LEPROTL1: variants seen among roughly 807,000 people sequenced by gnomAD.
LEPROTL1 encodes leptin receptor overlapping transcript like 1.
A neutral mutation model predicts 15.4 loss-of-function variants in LEPROTL1; 6 were observed. That is an observed-to-expected ratio of 0.39 (90% confidence interval 0.21 to 0.77). The LOEUF is 0.77. LEPROTL1 is among the 30% of genes least tolerant of loss of function. LEPROTL1 has a pLI of 0.41. For synonymous variants in LEPROTL1, 56 were observed against 52.6 expected, an observed-to-expected ratio of 1.06 and a Z score of -0.28; for missense variants, 128 against 158.1, an observed-to-expected ratio of 0.81 and a Z score of 1.02.
chr8:30,116,844 T>C (rs1457840596), intron 3 of LEPROTL1, among the ~76,000 whole-genome samples: 1 of 152,214 alleles, frequency 6.6e-6, no homozygotes, highest in African/African-American at 2.4e-5. Flanking sequence ...TCTAGGGACC[T>C]ACTACTTGTG....
At chr8:30,103,527 G>T (rs1347218797) in intron 2 of LEPROTL1, among the ~76,000 whole-genome samples, 1 of 152,018 alleles carries the variant, frequency 6.6e-6, no homozygotes, top group Non-Finnish European at 1.5e-5. Context: ...GATCACCTGA[G>T]GTCAGGAGTT....
chr8:30,114,116 A>G (rs935690564), intron 3 of LEPROTL1, among the ~76,000 whole-genome samples: 4 of 152,140 alleles, frequency 2.6e-5, no homozygotes, highest in African/African-American at 9.7e-5. Context: ...ATTTGATTCA[A>G]AGACACATAG....
At chr8:30,118,726 G>A (rs542013551) in intron 3 of LEPROTL1, among the ~76,000 whole-genome samples, 2 of 152,312 alleles carry the variant, frequency 1.3e-5, no homozygotes, top group African/African-American at 4.8e-5. Context: ...CACTATCTCG[G>A]CAAGAGGAAT....
At chr8:30,114,752 A>G (rs982325363) in intron 3 of LEPROTL1, among the ~76,000 whole-genome samples, 1 of 152,222 alleles carries the variant, frequency 6.6e-6, no homozygotes, top group Non-Finnish European at 1.5e-5. Context: ...TTTCTCACTC[A>G]ATGTATCACA....
intron 1 of LEPROTL1, among the ~76,000 whole-genome samples, chr8:30,100,468 G>T (rs1802447493): frequency 6.6e-6 from 1 of 151,534 alleles, no homozygotes; most frequent in Non-Finnish European, 1.5e-5. Flanking sequence ...TATTTTTTTT[G>T]AGATGGAGTC....
exon 5 of LEPROTL1, chr8:30,137,536 T>C: frequency 7.0e-7 from 1 of 1,423,514 alleles, no homozygotes; most frequent in Non-Finnish European, 9.7e-7. Flanking sequence ...CTGCACCATG[T>C]AGGCAACACG....
chr8:30,132,494 G>A, intron 4 of LEPROTL1: 2 of 1,551,748 alleles, frequency 1.3e-6, no homozygotes, highest in Non-Finnish European at 1.7e-6. Flanking sequence ...TAGTAGGTGA[G>A]CTTGAAAAGC....
At position 30,107,688 on chromosome 8, in the gene LEPROTL1, G is replaced by A. The variant is rs1029495336; in HGVS notation, c.*1826G>A. The A allele has an allele frequency of 9.1e-6, 9 of 985,522 alleles. No homozygotes were observed. The African/African-American group carries it at 1.2e-4, about 13-fold the overall frequency. The allele number at this position is 985,522 out of a possible 1,614,324, so 61.0% of individuals were successfully genotyped here. A position where few individuals can be genotyped will look rare whatever the true frequency, so the allele number is the denominator to read the frequency against. ...GTTCAGATTTCAAGAGGAAGGTGCAGGTACACATGAGTTAGAGAGCTGGTG... is the reference window on the plus strand; with the variant it reads ...GTTCAGATTTCAAGAGGAAGGTGCAAGTACACATGAGTTAGAGAGCTGGTG... On this transcript the variant is annotated 3_prime_UTR_variant, in exon 4 of 4. Transcript: ENST00000321250.
rs1404642148 is a variant in LEPROTL1 at position 30,132,607 on chromosome 8, A to G, written c.394+118A>G. On this transcript the variant is annotated intron_variant, in intron 4 of 4. Coordinates refer to the LEPROTL1 transcript ENST00000442880. ...GCTCACTGCCACGTTTAGGCATTCTAGTCCAAGAATCTGCAGACCCCTCCA... is the reference window on the plus strand; with the variant it reads ...GCTCACTGCCACGTTTAGGCATTCTGGTCCAAGAATCTGCAGACCCCTCCA... 3 of 1,551,788 alleles carry G rather than the reference A, an allele frequency of 1.9e-6. No individual in the cohort carries two copies. The East Asian group carries it at 7.3e-5, about 38-fold the overall frequency.
intron 4 of LEPROTL1, among the ~76,000 whole-genome samples, chr8:30,136,285 AACAG>A (rs1240136850): frequency 6.6e-6 from 1 of 152,188 alleles, no homozygotes; most frequent in Non-Finnish European, 1.5e-5. Context: ...TCCTTATGAG[AACAG>A]ACAATTAGGA....
At chr8:30,129,711 TCACACACACACACACACACACA>T (rs35105107) in intron 3 of LEPROTL1, among the ~76,000 whole-genome samples, 1 of 128,300 alleles carries the variant, frequency 7.8e-6, no homozygotes, top group Non-Finnish European at 1.7e-5. Flanking sequence ...TGAGACCCTG[TCACACACACACACACACACACA>T]CACACACACA....
At chr8:30,136,282 G>A (rs1803137353) in intron 4 of LEPROTL1, among the ~76,000 whole-genome samples, 1 of 152,170 alleles carries the variant, frequency 6.6e-6, no homozygotes, top group South Asian at 2.1e-4. Context: ...GAGTCCTTAT[G>A]AGAACAGACA....
chr8:30,099,599 TAAAAAAAAAAAA>T (rs71204264), intron 1 of LEPROTL1, among the ~76,000 whole-genome samples: 3 of 112,474 alleles, frequency 2.7e-5, no homozygotes, highest in Non-Finnish European at 5.3e-5. Context: ...AGACTCCATT[TAAAAAAAAAAAA>T]AAAAAAAAAA....
downstream of LEPROTL1, among the ~76,000 whole-genome samples, chr8:30,109,857 T>C (rs1802628949): frequency 6.8e-6 from 1 of 147,860 alleles, no homozygotes; most frequent in Non-Finnish European, 1.5e-5. Context: ...GAAAGGCTTT[T>C]TTAAGAAAAA....
chr8:30,115,134 C>T (rs1369339131), intron 3 of LEPROTL1, among the ~76,000 whole-genome samples: 2 of 152,072 alleles, frequency 1.3e-5, no homozygotes, highest in Admixed American at 6.6e-5. Context: ...GAGGCAGAGG[C>T]GGGTGGATCC....
chr8:30,099,641 T>C (rs1445340910), intron 1 of LEPROTL1, among the ~76,000 whole-genome samples: 2 of 147,860 alleles, frequency 1.4e-5, no homozygotes, highest in Non-Finnish European at 3.0e-5. Context: ...AAAAAAACAC[T>C]TCACTGGTTG....
At chr8:30,135,254 A>C (rs909299941) in intron 4 of LEPROTL1, among the ~76,000 whole-genome samples, 2 of 152,198 alleles carry the variant, frequency 1.3e-5, no homozygotes, top group Non-Finnish European at 2.9e-5. Context: ...AGGCAGGATC[A>C]TGTAAATGGG....
chr8:30,113,487 GC>G (rs1237289465), downstream of LEPROTL1, among the ~76,000 whole-genome samples: 1 of 152,138 alleles, frequency 6.6e-6, no homozygotes, highest in Non-Finnish European at 1.5e-5. Flanking sequence ...TGTCATCGCT[GC>G]AAGTGGTGGA....
intron 1 of LEPROTL1, among the ~76,000 whole-genome samples, chr8:30,101,207 A>C (rs1004248175): frequency 6.6e-6 from 1 of 152,210 alleles, no homozygotes; most frequent in Non-Finnish European, 1.5e-5. Context: ...AAACTTGAGC[A>C]TGTGGAGTTT....
Sources: allele counts gnomAD v4.1 joint callset (sites outside exome capture counted in the v4.1 genomes callset), GRCh38; gene constraint gnomAD v4.1.1; transcripts MANE v1.5; gene names NCBI Gene and HGNC (gene_info 2026-07-23, HGNC 2026-07-21).